The following WDFY3 variants were observed in gnomAD, a reference collection of about 807,000 sequenced individuals.
WDFY3 encodes the protein WD repeat and FYVE domain-containing protein 3.
A neutral mutation model predicts 409.6 loss-of-function variants in WDFY3; 66 were observed. The observed-to-expected ratio is 0.16, with a 90% confidence interval of 0.13 to 0.20. WDFY3 has a LOEUF of 0.20. WDFY3 is among the 10% of genes least tolerant of loss of function. The pLI, the probability that WDFY3 is intolerant of heterozygous loss-of-function variation, is 1.00. For missense variants in WDFY3, 3,031 were observed against 4,298.1 expected, an observed-to-expected ratio of 0.71 and a Z score of 8.24; for synonymous variants, 1,521 against 1,537.1, an observed-to-expected ratio of 0.99 and a Z score of 0.25.
At chr4:84,840,690 G>T (rs1424167852) in intron 6 of WDFY3, among the ~76,000 whole-genome samples, 1 of 151,656 alleles carries the variant, frequency 6.6e-6, no homozygotes, top group African/African-American at 2.4e-5. Flanking sequence ...CAATCCTCTT[G>T]CCTCAGCCTC....
intron 30 of WDFY3, among the ~76,000 whole-genome samples, chr4:84,766,608 T>C (rs1743689177): frequency 6.6e-6 from 1 of 152,246 alleles, no homozygotes; most frequent in Non-Finnish European, 1.5e-5. Flanking sequence ...GGCTGTGAGA[T>C]ATTTTTTACA....
chr4:84,716,835 TAAAAC>T (rs1184524626), intron 49 of WDFY3, 56 bp downstream of exon 49: 77 of 1,331,184 alleles, frequency 5.8e-5, no homozygotes, highest in Non-Finnish European at 7.2e-5. Context: ...TAAAATAAAA[TAAAAC>T]AATACATTTT....
intron 32 of WDFY3, 27 bp from the exon 33 acceptor site, chr4:84,757,188 G>A (rs1741609698): frequency 1.9e-6 from 3 of 1,596,218 alleles, no homozygotes; most frequent in African/African-American, 1.3e-5. Context: ...ATAACAGTAA[G>A]TGCAAAATCA....
chr4:84,730,757 C>A (rs978713394), intron 44 of WDFY3, among the ~76,000 whole-genome samples: 2 of 151,852 alleles, frequency 1.3e-5, no homozygotes, highest in Non-Finnish European at 2.9e-5. Context: ...ATAAAATACA[C>A]TAAGACTAAC....
intron 13 of WDFY3, among the ~76,000 whole-genome samples, chr4:84,810,775 T>C (rs1752358432): frequency 6.6e-6 from 1 of 152,206 alleles, no homozygotes. Context: ...AGCCAAGATC[T>C]GAGGTCTTTT....
At chr4:84,710,930 G>A (rs1482193743) in intron 51 of WDFY3, among the ~76,000 whole-genome samples, 1 of 152,144 alleles carries the variant, frequency 6.6e-6, no homozygotes, top group Non-Finnish European at 1.5e-5. Flanking sequence ...GTTAAAAAAA[G>A]CATATATTTA....
At chr4:84,680,679 CTG>C (rs1427042084) in intron 64 of WDFY3, among the ~76,000 whole-genome samples, 3 of 152,310 alleles carry the variant, frequency 2.0e-5, no homozygotes, top group African/African-American at 4.8e-5. Flanking sequence ...GGGAAATAAA[CTG>C]TGTCTGCAAA....
intron 8 of WDFY3, among the ~76,000 whole-genome samples, chr4:84,830,542 C>T (rs1424957476): frequency 5.9e-5 from 9 of 152,068 alleles, no homozygotes; most frequent in Non-Finnish European, 1.3e-4. Flanking sequence ...GGGACATAAC[C>T]CCACCATAAA....
chr4:84,675,238 G>A lies in WDFY3; in HGVS notation c.10457+1961C>T, dbSNP rs573546928. On this transcript the variant is annotated intron_variant, in intron 67 of 67. Transcript: ENST00000295888. Reference sequence around the variant, plus strand: ...CCCAAAGTGCTGGCATTACAGGCATGAGCCACTGTGCCCGGTCCCATTATA... The same window carrying A: ...CCCAAAGTGCTGGCATTACAGGCATAAGCCACTGTGCCCGGTCCCATTATA... Among the ~76,000 whole-genome samples, 23 of 152,160 alleles carry A rather than the reference G, an allele frequency of 1.5e-4. No individual in the cohort carries two copies. In the South Asian group the frequency reaches 4.6e-3, roughly 30 times the overall value.
At chr4:84,733,320 G>A (rs1578290224) in intron 44 of WDFY3, 62 bp downstream of exon 44, 17 of 1,544,402 alleles carry the variant, frequency 1.1e-5, no homozygotes, top group East Asian at 9.0e-5. Context: ...GAGAAAAAAC[G>A]CTTACAGAGG....
intron 50 of WDFY3, among the ~76,000 whole-genome samples, 154 bp downstream of exon 50, chr4:84,715,144 T>C (rs889331742): frequency 2.0e-5 from 3 of 152,146 alleles, no homozygotes; most frequent in Non-Finnish European, 4.4e-5. Flanking sequence ...AGAAGAATAA[T>C]TGTTTCAAGA....
intron 32 of WDFY3, among the ~76,000 whole-genome samples, chr4:84,759,010 C>T (rs1233201659): frequency 6.6e-6 from 1 of 152,166 alleles, no homozygotes; most frequent in African/African-American, 2.4e-5. Flanking sequence ...CCAGTTTCAG[C>T]TTTCTACATA....
intron 36 of WDFY3, among the ~76,000 whole-genome samples, chr4:84,745,737 T>G (rs1406835080): frequency 2.6e-5 from 4 of 152,132 alleles, no homozygotes; most frequent in African/African-American, 9.7e-5. Context: ...GTTTTTATCT[T>G]TATAAATTTT....
At chr4:84,898,443 A>G (rs566462977) in intron 2 of WDFY3, among the ~76,000 whole-genome samples, 5 of 152,252 alleles carry the variant, frequency 3.3e-5, no homozygotes, top group Admixed American at 3.3e-4. Context: ...TTCGTCCCCA[A>G]ATAGTTACCT....
chr4:84,892,015 G>A (rs1765020246), intron 3 of WDFY3, among the ~76,000 whole-genome samples: 1 of 148,046 alleles, frequency 6.8e-6, no homozygotes, highest in South Asian at 2.1e-4. Context: ...TTAGAAAAAT[G>A]GCCTTCAATT....
At chr4:84,901,743 A>C (rs1260348217) in intron 2 of WDFY3, among the ~76,000 whole-genome samples, 1 of 152,224 alleles carries the variant, frequency 6.6e-6, no homozygotes, top group Non-Finnish European at 1.5e-5. Context: ...TTTCCAGGGA[A>C]GATGAGATCC....
chr4:84,894,172 G>C (rs774764622), intron 3 of WDFY3, among the ~76,000 whole-genome samples: 10 of 152,060 alleles, frequency 6.6e-5, no homozygotes, highest in Admixed American at 3.9e-4. Flanking sequence ...GCAATGAAGA[G>C]AGAATAAGCA....
chr4:84,920,972 A>G (rs1303970335), intron 2 of WDFY3, among the ~76,000 whole-genome samples: 1 of 152,196 alleles, frequency 6.6e-6, no homozygotes, highest in Non-Finnish European at 1.5e-5. Flanking sequence ...ACACTGCTAC[A>G]GAGTGAATTC....
At chr4:84,812,865 AT>A (rs1185004674) in intron 13 of WDFY3, among the ~76,000 whole-genome samples, 1 of 152,206 alleles carries the variant, frequency 6.6e-6, no homozygotes, top group East Asian at 1.9e-4. Flanking sequence ...AATACCATGA[AT>A]AATGTAACTT....
Sources: gnomAD v4.1 joint callset for allele counts (sites outside exome capture counted in the v4.1 genomes callset) on GRCh38, gnomAD v4.1.1 for gene constraint, MANE v1.5 for transcripts, NCBI Gene and HGNC (gene_info 2026-07-23, HGNC 2026-07-21) for gene names.